The following SLC30A9 variants were observed in gnomAD, a reference collection of about 807,000 sequenced individuals.
SLC30A9 encodes proton-coupled zinc antiporter SLC30A9, mitochondrial.
Under a neutral mutation model 87.5 loss-of-function variants are expected in SLC30A9, and 58 were observed. That is an observed-to-expected ratio of 0.66 (90% confidence interval 0.54 to 0.82). SLC30A9 has a LOEUF of 0.82. SLC30A9 is among the 40% of genes least tolerant of loss of function. SLC30A9 has a pLI of 0.00. For synonymous variants in SLC30A9, 234 were observed against 233.0 expected, an observed-to-expected ratio of 1.00 and a Z score of -0.04; for missense variants, 557 against 679.1, an observed-to-expected ratio of 0.82 and a Z score of 2.00.
chr4:42,014,069 A>G (rs1715576441), intron 2 of SLC30A9, among the ~76,000 whole-genome samples: 1 of 152,218 alleles, frequency 6.6e-6, no homozygotes, highest in Non-Finnish European at 1.5e-5. Flanking sequence ...TGTGGACAAA[A>G]TATCTCAAGA....
chr4:42,060,546 C>A (rs1210008822), intron 10 of SLC30A9, among the ~76,000 whole-genome samples: 1 of 151,954 alleles, frequency 6.6e-6, no homozygotes, highest in Non-Finnish European at 1.5e-5. Flanking sequence ...TTTATTTGGT[C>A]CAAGGAAACA....
chr4:41,999,689 A>G (rs1054125008), intron 1 of SLC30A9, among the ~76,000 whole-genome samples: 1 of 152,132 alleles, frequency 6.6e-6, no homozygotes, highest in Non-Finnish European at 1.5e-5. Context: ...AGTTAAAAAA[A>G]AAAAAGACAT....
intron 4 of SLC30A9, among the ~76,000 whole-genome samples, chr4:42,021,917 ATTTTTTTTTTTTTTT>A (rs1180421350): frequency 2.5e-5 from 1 of 39,940 alleles, no homozygotes; most frequent in African/African-American, 6.5e-5. Context: ...CGCCTGGCTA[ATTTTTTTTTTTTTTT>A]TTTTTTTTTT....
intron 15 of SLC30A9, among the ~76,000 whole-genome samples, chr4:42,073,881 G>C (rs1007953063): frequency 1.3e-5 from 2 of 152,186 alleles, no homozygotes; most frequent in East Asian, 3.9e-4. Flanking sequence ...AAGGGCTTGC[G>C]TATAGGTGGC....
intron 9 of SLC30A9, among the ~76,000 whole-genome samples, chr4:42,054,736 T>A (rs1344797491): frequency 3.3e-5 from 5 of 151,782 alleles, no homozygotes; most frequent in Non-Finnish European, 5.9e-5. Flanking sequence ...CTCCTGACCT[T>A]GTGATCCACC....
chr4:42,075,879 G>C (rs927390362), intron 16 of SLC30A9, 93 bp downstream of exon 16: 10 of 1,231,700 alleles, frequency 8.1e-6, no homozygotes, highest in Non-Finnish European at 1.1e-5. Context: ...GATCTTAAAG[G>C]CACTTTAGCT....
chr4:42,055,463 T>C (rs896331770), intron 9 of SLC30A9, among the ~76,000 whole-genome samples: 1 of 152,144 alleles, frequency 6.6e-6, no homozygotes, highest in Non-Finnish European at 1.5e-5. Flanking sequence ...CTCGGCTTAC[T>C]GCAAGCTCCA....
At chr4:42,023,430 T>C (rs780301151) in intron 6 of SLC30A9, 46 bp downstream of exon 6, 3 of 1,234,656 alleles carry the variant, frequency 2.4e-6, no homozygotes, top group Non-Finnish European at 3.6e-6. Flanking sequence ...AAATAACTTG[T>C]AGATGAGAAC....
intron 2 of SLC30A9, among the ~76,000 whole-genome samples, chr4:42,008,291 A>G (rs981694219): frequency 6.6e-6 from 1 of 152,234 alleles, no homozygotes; most frequent in African/African-American, 2.4e-5. Flanking sequence ...AACCTAAAGT[A>G]GCCACCCAGT....
chr4:42,022,225 G>A (rs1354424501), intron 4 of SLC30A9, among the ~76,000 whole-genome samples: 5 of 143,216 alleles, frequency 3.5e-5, no homozygotes, highest in East Asian at 2.1e-4. Context: ...GTGAGCTACC[G>A]CACCTTGCTT....
chr4:42,048,093 G>A (rs1219217653), intron 8 of SLC30A9, among the ~76,000 whole-genome samples: 4 of 152,096 alleles, frequency 2.6e-5, no homozygotes, highest in African/African-American at 9.7e-5. Flanking sequence ...GGGTGGCTAG[G>A]GGAGGGATAG....
chr4:42,003,391 G>A (rs1426551299), intron 2 of SLC30A9, among the ~76,000 whole-genome samples: 3 of 152,232 alleles, frequency 2.0e-5, no homozygotes, highest in East Asian at 3.9e-4. Context: ...TACCAAGGGA[G>A]ATGTTGGAGT....
chr4:42,039,819 C>G (rs554414424), intron 8 of SLC30A9, among the ~76,000 whole-genome samples: 3 of 152,136 alleles, frequency 2.0e-5, no homozygotes, highest in Admixed American at 1.3e-4. Flanking sequence ...CACCTTTTGT[C>G]TGTTTTTCTG....
At chr4:42,015,163 A>G (rs1267029030) in intron 2 of SLC30A9, among the ~76,000 whole-genome samples, 2 of 152,136 alleles carry the variant, frequency 1.3e-5, no homozygotes, top group Non-Finnish European at 2.9e-5. Flanking sequence ...TACCTCATGT[A>G]CCCCATAAAT....
At chr4:41,995,545 A>T (rs1714662388) in intron 1 of SLC30A9, among the ~76,000 whole-genome samples, 1 of 152,194 alleles carries the variant, frequency 6.6e-6, no homozygotes. Flanking sequence ...GAAAGTAGCC[A>T]GGATGGGCTA....
Position 42,023,628 on chromosome 4 carries a change from G to A in SLC30A9, c.610+244G>A, listed in dbSNP as rs573437963. ...AAGCTACAGTTTATCATTTTTATAA[G>A]ACATATAACTATCAAAACTTATCTG... On this transcript the variant is annotated intron_variant, in intron 6 of 17. Transcript: ENST00000264451. 3.9e-5 allele frequency among the ~76,000 whole-genome samples: 6 copies of A among 152,252 alleles called. No individual in the cohort carries two copies. In the East Asian group the frequency reaches 5.8e-4, roughly 15 times the overall value.
At chr4:42,047,897 A>T (rs1008514519) in intron 8 of SLC30A9, among the ~76,000 whole-genome samples, 1 of 152,230 alleles carries the variant, frequency 6.6e-6, no homozygotes, top group Admixed American at 6.5e-5. Flanking sequence ...ATATGCAGCC[A>T]TAAAAAAGGA....
intron 8 of SLC30A9, among the ~76,000 whole-genome samples, chr4:42,044,807 A>T (rs1282878740): frequency 1.3e-5 from 2 of 152,220 alleles, no homozygotes; most frequent in African/African-American, 2.4e-5. Context: ...TTGACCACAT[A>T]ATTGGATGTA....
Position 42,049,402 on chromosome 4 carries a change from T to C in SLC30A9, c.763T>C (p.Phe255Leu). The change falls in exon 9 of 18, where the codon TTT becomes CTT. Residue 255 changes from phenylalanine (F) to leucine (L), a missense_variant. Phe to Leu is a conservative substitution (Grantham distance 22). Coordinates refer to ENST00000264451, the MANE Select transcript of SLC30A9 (RefSeq NM_006345.4). ...CINGLNCFFK[F>L]LAWIYTGSAS... is the part of the protein sequence containing the mutation. ...CAATGGATTAAACTGCTTCTTTAAATTTCTTGCCTGGATTTATACCGGTTC... is the reference window on the plus strand; with the variant it reads ...CAATGGATTAAACTGCTTCTTTAAACTTCTTGCCTGGATTTATACCGGTTC... 1.2e-6 allele frequency: 2 copies of C among 1,611,222 alleles called. No homozygotes were observed. Among genetic ancestry groups the C allele is most frequent in the Non-Finnish European group, 1.7e-6 (2 of 1,178,178 alleles).
Sources: allele counts gnomAD v4.1 joint callset (sites outside exome capture counted in the v4.1 genomes callset), GRCh38; gene constraint gnomAD v4.1.1; transcripts MANE v1.5; gene names NCBI Gene and HGNC (gene_info 2026-07-23, HGNC 2026-07-21).